The following SHB variants were observed in gnomAD, a reference collection of about 807,000 sequenced individuals.
The protein encoded by SHB is SH2 domain containing adaptor protein B.
A neutral mutation model predicts 52.3 loss-of-function variants in SHB; 20 were observed. The observed-to-expected ratio is 0.38, with a 90% CI of 0.27 to 0.56. SHB has a LOEUF of 0.56. Ranked by LOEUF, SHB falls within the 20% of genes least tolerant of loss-of-function variation. SHB has a pLI of 0.71. For synonymous variants in SHB, 397 were observed against 316.5 expected (o/e 1.25, Z -2.70); for missense variants, 825 against 723.3 (o/e 1.14, Z -1.61).
At chr9:37,920,255 G>A (rs1450400894) in intron 5 of SHB, among the ~76,000 whole-genome samples, 3 of 151,356 alleles carry the variant, frequency 2.0e-5, no homozygotes, top group African/African-American at 4.9e-5. Context: ...AACACTGAGC[G>A]CTTCTAGGGA....
chr9:37,921,471 C>G (rs749529112), intron 5 of SHB, among the ~76,000 whole-genome samples: 1 of 152,194 alleles, frequency 6.6e-6, no homozygotes, highest in Non-Finnish European at 1.5e-5. Flanking sequence ...TAATGAAGTG[C>G]GAGCACTAAG....
intron 5 of SHB, 89 bp downstream of exon 5, chr9:37,948,546 C>T (rs1187561954): frequency 1.3e-6 from 2 of 1,526,040 alleles, no homozygotes; most frequent in African/African-American, 1.4e-5. Flanking sequence ...CCAGGGGACA[C>T]TGGCGGGTTT....
intron 3 of SHB, among the ~76,000 whole-genome samples, chr9:37,965,542 G>T (rs985924544): frequency 6.6e-6 from 1 of 151,654 alleles, no homozygotes; most frequent in African/African-American, 2.4e-5. Flanking sequence ...AGAACACAGG[G>T]TTGGTTTTCC....
chr9:37,985,375 C>T (rs1820792381), intron 2 of SHB, among the ~76,000 whole-genome samples: 1 of 152,240 alleles, frequency 6.6e-6, no homozygotes, highest in Non-Finnish European at 1.5e-5. Context: ...CGACCAATTG[C>T]TTTCATTGTG....
chr9:38,007,982 C>T (rs904256540), intron 2 of SHB, among the ~76,000 whole-genome samples: 3 of 152,304 alleles, frequency 2.0e-5, no homozygotes, highest in Non-Finnish European at 4.4e-5. Context: ...ACCACTCCTT[C>T]TTCTGTGTTC....
chr9:38,005,338 A>C (rs1042009449), intron 2 of SHB, among the ~76,000 whole-genome samples: 1 of 152,170 alleles, frequency 6.6e-6, no homozygotes, highest in Non-Finnish European at 1.5e-5. Flanking sequence ...CCTGTTTTGG[A>C]AAAGGACCAC....
chr9:38,044,654 G>A (rs1587261324), intron 1 of SHB, among the ~76,000 whole-genome samples: 4 of 152,226 alleles, frequency 2.6e-5, no homozygotes, highest in African/African-American at 9.6e-5. Context: ...GCCACTAGAA[G>A]CCTAAAATGT....
chr9:38,003,194 G>A (rs1024025650), intron 2 of SHB, among the ~76,000 whole-genome samples: 2 of 152,042 alleles, frequency 1.3e-5, no homozygotes, highest in African/African-American at 4.8e-5. Flanking sequence ...GTGAGAAGGG[G>A]GCAGGGATGG....
Position 37,955,918 on chromosome 9 carries a change from T to A in SHB, c.1191A>T (p.Glu397Asp). The A allele has an allele frequency of 6.2e-7, 1 of 1,613,852 alleles. No homozygotes were observed. The highest frequency in any genetic ancestry group is 2.2e-5 in the East Asian group (1 of 44,878). The stretch of plus-strand genomic sequence containing the variant: ...CCAGGGGGACGGCAGGATCCACCCT[T>A]TCTCCTAGGATCCCGCAGAACTCAG... ...GSPEFCGILG[E>D]RVDPAVPLEK... Residue 397 changes from glutamate to aspartate, a missense_variant, in exon 4 of 6, where the codon GAA becomes GAT. Transcript: ENST00000377707.
chr9:38,034,858 G>A (rs753280135), intron 1 of SHB, among the ~76,000 whole-genome samples: 2 of 152,170 alleles, frequency 1.3e-5, no homozygotes, highest in Non-Finnish European at 2.9e-5. Flanking sequence ...CACCATGCCT[G>A]GCTATTTTTT....
intron 1 of SHB, among the ~76,000 whole-genome samples, chr9:38,054,351 C>T (rs1430824015): frequency 6.6e-6 from 1 of 152,258 alleles, no homozygotes; most frequent in African/African-American, 2.4e-5. Context: ...CCACTTGCTA[C>T]CTACTCCTCT....
intron 3 of SHB, among the ~76,000 whole-genome samples, chr9:37,965,597 G>A (rs1433902009): frequency 6.9e-6 from 1 of 145,610 alleles, no homozygotes; most frequent in Non-Finnish European, 1.5e-5. Flanking sequence ...TTTTTCTCGA[G>A]ACGGAGTCTC....
At chr9:37,926,422 C>T (rs756720292) in intron 5 of SHB, among the ~76,000 whole-genome samples, 5 of 152,174 alleles carry the variant, frequency 3.3e-5, no homozygotes, top group South Asian at 2.1e-4. Context: ...CCCATCTTAC[C>T]GACTGTGGCC....
At chr9:37,961,997 C>A (rs1000817398) in intron 3 of SHB, among the ~76,000 whole-genome samples, 1 of 152,190 alleles carries the variant, frequency 6.6e-6, no homozygotes, top group African/African-American at 2.4e-5. Context: ...TGCAGTGACT[C>A]GACTCACAGT....
At position 37,993,638 on chromosome 9, in the gene SHB, T is replaced by A. The variant is rs1820910919; in HGVS notation, c.839-18801A>T. ...AACATTGAGTTTGTGTTAATGTAAG[T>A]TAAACATATATTTGTTAATTTATTC... On this transcript the variant is annotated intron_variant, in intron 2 of 5. Coordinates refer to ENST00000377707, the MANE Select transcript of SHB (RefSeq NM_003028.3). Among the ~76,000 whole-genome samples the A allele has an allele frequency of 2.0e-5, 3 of 152,086 alleles. No individual in the cohort carries two copies. In the South Asian group the frequency reaches 6.2e-4, roughly 31 times the overall value.
chr9:37,948,901 T>G, intron 4 of SHB, 147 bp from the exon 5 acceptor site: 2 of 1,026,976 alleles, frequency 1.9e-6, no homozygotes, highest in East Asian at 5.2e-5. Context: ...ACTGCCCGCC[T>G]GCTGCTGCCG....
chr9:38,042,100 C>T (rs1050839767), intron 1 of SHB, among the ~76,000 whole-genome samples: 7 of 152,152 alleles, frequency 4.6e-5, no homozygotes, highest in African/African-American at 1.4e-4. Flanking sequence ...AGGTTTGGAG[C>T]GCAGGCCCTA....
At position 37,968,261 on chromosome 9, in the gene SHB, T is replaced by C. The variant is rs115539112; in HGVS notation, c.1054+6361A>G. Among the ~76,000 whole-genome samples, 532 of 152,306 alleles carry C rather than the reference T, an allele frequency of 3.5e-3. 6 individuals are homozygous for C. Among genetic ancestry groups the C allele is most frequent in the African/African-American group, 0.012 (506 of 41,548 alleles). ...TTATTTAATCAACACAGAGATCCAG[T>C]GTGAGAAGTTGTGACCATCCCCATT... On this transcript the variant is annotated intron_variant, in intron 3 of 5. Transcript: ENST00000377707.
At chr9:37,994,633 CAAACA>C (rs963315541) in intron 2 of SHB, among the ~76,000 whole-genome samples, 4 of 152,142 alleles carry the variant, frequency 2.6e-5, no homozygotes, top group African/African-American at 9.7e-5. Context: ...AAAATAAAAC[CAAACA>C]AAAGGTATAT....
Sources: allele counts gnomAD v4.1 joint callset (sites outside exome capture counted in the v4.1 genomes callset), GRCh38; gene constraint gnomAD v4.1.1; transcripts MANE v1.5; gene names NCBI Gene and HGNC (gene_info 2026-07-23, HGNC 2026-07-21).